Variants in GRM5 observed in about 807,000 individuals in gnomAD.
GRM5 encodes the protein metabotropic glutamate receptor 5.
GRM5 carries 19 observed loss-of-function variants against 83.1 expected under a neutral mutation model. The observed-to-expected ratio is 0.23, with a 90% CI of 0.16 to 0.34. GRM5 has a LOEUF of 0.34. Among genes scored for constraint, GRM5 ranks in the 10% least tolerant of loss-of-function variants. The pLI is 1.00. For synonymous variants in GRM5, 675 were observed against 633.6 expected (o/e 1.07, Z -0.98); for missense variants, 1,160 against 1,588.3 (o/e 0.73, Z 4.58).
chr11:88,826,009 A>G (rs1943889356), intron 3 of GRM5, among the ~76,000 whole-genome samples: 1 of 152,198 alleles, frequency 6.6e-6, no homozygotes, highest in African/African-American at 2.4e-5. Context: ...TTATTTTTAT[A>G]TAAAAGAAAA....
In GRM5 at chr11:88,508,979, G is replaced by A. The variant is rs1186364571; in HGVS notation, c.3252C>T (p.Ala1084=). 1.3e-6 allele frequency: 2 copies of A among 1,583,838 alleles called. No homozygotes were observed. Among genetic ancestry groups the A allele is most frequent in the African/African-American group, 1.3e-5 (1 of 74,478 alleles). Residue 1084 remains alanine, a synonymous_variant, in exon 10 of 10, where the codon GCC becomes GCT. Coordinates refer to ENST00000305447, the MANE Select transcript of GRM5 (RefSeq NM_001143831.3). This position sits in a 1 kb window ranked among gnomAD's most constrained non-coding sequence, Gnocchi z 4.2. The stretch of plus-strand genomic sequence containing the variant: ...GCGGGGCGCCGACGCCGGGGCTGGG[G>A]GCCGCGGTGGACAGCATCATGGAGT... ...ELNSMMLSTA[A]PSPGVGAPLC... is the part of the protein sequence containing the mutation.
At chr11:88,599,896 C>G (rs992870291) in intron 5 of GRM5, among the ~76,000 whole-genome samples, 2 of 152,032 alleles carry the variant, frequency 1.3e-5, no homozygotes, top group Non-Finnish European at 2.9e-5. Context: ...GCCTGTAGTC[C>G]CAGCTACTTG....
intron 2 of GRM5, among the ~76,000 whole-genome samples, chr11:88,987,613 T>C (rs1381619298): frequency 6.6e-6 from 1 of 152,066 alleles, no homozygotes; most frequent in Non-Finnish European, 1.5e-5. Flanking sequence ...TGTCCTTGTC[T>C]GACAGCTTTG....
At chr11:88,974,094 T>G (rs1385797578) in intron 2 of GRM5, among the ~76,000 whole-genome samples, 1 of 152,114 alleles carries the variant, frequency 6.6e-6, no homozygotes, top group East Asian at 1.9e-4. Flanking sequence ...TCTACAGATA[T>G]CATATTTGTT....
intron 2 of GRM5, among the ~76,000 whole-genome samples, chr11:88,965,801 G>A (rs1261970218): frequency 1.3e-5 from 2 of 152,124 alleles, no homozygotes; most frequent in Non-Finnish European, 2.9e-5. Context: ...CAATTGTAGT[G>A]GATTTGGAGG....
chr11:88,619,388 T>C (rs1938572151), intron 4 of GRM5, among the ~76,000 whole-genome samples: 1 of 152,228 alleles, frequency 6.6e-6, no homozygotes, highest in African/African-American at 2.4e-5. Context: ...GCTTTGTGGA[T>C]TCTCTTGATA....
intron 2 of GRM5, among the ~76,000 whole-genome samples, chr11:88,967,231 GTATA>G (rs980206739): frequency 2.2e-5 from 3 of 133,642 alleles, no homozygotes; most frequent in African/African-American, 8.0e-5. Context: ...GTGTGTGTAT[GTATA>G]TATATATATA....
At chr11:88,726,638 G>C (rs1406645325) in intron 3 of GRM5, among the ~76,000 whole-genome samples, 2 of 152,178 alleles carry the variant, frequency 1.3e-5, no homozygotes, top group Non-Finnish European at 1.5e-5. Context: ...AGCAGCCAGA[G>C]AGAAAGGTCA....
At chr11:88,662,266 T>C (rs904541691) in intron 3 of GRM5, among the ~76,000 whole-genome samples, 1 of 152,096 alleles carries the variant, frequency 6.6e-6, no homozygotes, top group Non-Finnish European at 1.5e-5. Flanking sequence ...ATGACAAATG[T>C]AGAGGGGATA....
intron 2 of GRM5, among the ~76,000 whole-genome samples, chr11:88,925,304 TACTG>T (rs1348004605): frequency 3.4e-4 from 50 of 145,178 alleles, no homozygotes; most frequent in Non-Finnish European, 4.5e-5. Flanking sequence ...AGATCAGAGA[TACTG>T]ACTACTTTTT....
chr11:88,793,653 A>G (rs1162197716), intron 3 of GRM5, among the ~76,000 whole-genome samples: 2 of 152,232 alleles, frequency 1.3e-5, no homozygotes, highest in African/African-American at 4.8e-5. Context: ...ATATTTTATG[A>G]TATAGTCATT....
intron 3 of GRM5, among the ~76,000 whole-genome samples, chr11:88,678,206 G>A (rs976474514): frequency 1.3e-5 from 2 of 151,926 alleles, no homozygotes; most frequent in Non-Finnish European, 2.9e-5. Context: ...CTTCAGAGGT[G>A]TGCCACCATG....
chr11:88,725,481 G>A (rs1158965251), intron 3 of GRM5, among the ~76,000 whole-genome samples: 4 of 152,142 alleles, frequency 2.6e-5, no homozygotes, highest in African/African-American at 9.7e-5. Context: ...AAATGTTCCT[G>A]GCTGCCAGCT....
intron 3 of GRM5, among the ~76,000 whole-genome samples, chr11:88,821,662 C>T (rs1244118249): frequency 6.6e-6 from 1 of 152,126 alleles, no homozygotes; most frequent in Non-Finnish European, 1.5e-5. Flanking sequence ...CCTTTCGATA[C>T]AAAATTTGCT....
intron 3 of GRM5, among the ~76,000 whole-genome samples, chr11:88,669,896 T>G (rs2135330673): frequency 6.6e-6 from 1 of 152,066 alleles, no homozygotes; most frequent in Non-Finnish European, 1.5e-5. Flanking sequence ...TTCCAGTGGG[T>G]TTTCCTTGGT....
chr11:88,941,780 A>C (rs1938122577), intron 2 of GRM5, among the ~76,000 whole-genome samples: 1 of 152,090 alleles, frequency 6.6e-6, no homozygotes, highest in Admixed American at 6.6e-5. Context: ...AAATAATGGC[A>C]CATATATACC....
chr11:88,908,053 A>C (rs1219494718), intron 2 of GRM5, among the ~76,000 whole-genome samples: 1 of 152,160 alleles, frequency 6.6e-6, no homozygotes, highest in Non-Finnish European at 1.5e-5. Context: ...AAAACATGGG[A>C]ATATGCCCTA....
intron 3 of GRM5, among the ~76,000 whole-genome samples, chr11:88,661,434 T>C (rs918009998): frequency 2.6e-5 from 4 of 152,132 alleles, no homozygotes; most frequent in African/African-American, 9.7e-5. Context: ...GGTTAATGAA[T>C]GTATTCATTA....
At chr11:88,554,212 G>A (rs1009696597) in intron 8 of GRM5, among the ~76,000 whole-genome samples, 2 of 151,904 alleles carry the variant, frequency 1.3e-5, no homozygotes, top group East Asian at 1.9e-4. Context: ...TGCATTCCTT[G>A]GCTTCTATAC....
Sources: gnomAD v4.1 joint callset for allele counts (sites outside exome capture counted in the v4.1 genomes callset) on GRCh38, gnomAD v4.1.1 for gene constraint, Gnocchi (gnomAD v3.1) non-coding constraint, MANE v1.5 for transcripts, NCBI Gene and HGNC (gene_info 2026-07-23, HGNC 2026-07-21) for gene names.